The following CLMN variants were observed in gnomAD, a reference collection of about 807,000 sequenced individuals.
CLMN encodes the protein calmin (calponin-like, transmembrane).
A neutral mutation model predicts 92.7 loss-of-function variants in CLMN; 57 were observed. The ratio of observed to expected loss-of-function variants is 0.61; its 90% CI spans 0.50 to 0.77. The LOEUF (loss-of-function observed/expected upper bound fraction) is 0.77. CLMN is among the 30% of genes least tolerant of loss of function. The pLI is 0.00. For synonymous variants in CLMN, 466 were observed against 470.6 expected, an observed-to-expected ratio of 0.99 and a Z score of 0.13; for missense variants, 1,158 against 1,237.5, an observed-to-expected ratio of 0.94 and a Z score of 0.96.
chr14:95,260,069 G>A (rs1047514920), intron 1 of CLMN, among the ~76,000 whole-genome samples: 2 of 152,146 alleles, frequency 1.3e-5, no homozygotes, highest in African/African-American at 2.4e-5. Context: ...TCCTCCTGTG[G>A]GCATCTGGCA....
rs1896559791 is a variant in CLMN at position 95,191,513 on chromosome 14, A to G, written c.*51T>C. On this transcript the variant is annotated 3_prime_UTR_variant, in exon 13 of 13. Transcript: ENST00000298912. The surrounding 1 kb of genome is among the most constrained non-coding windows in gnomAD (Gnocchi z 5.3). ...CCCAGAACCCAAAATAAAATGAAGT[A>G]ACCCCGCCCCTGGTCAGGGTCCTGT... 6.6e-7 allele frequency: 1 copy of G among 1,511,110 alleles called. No individual in the cohort carries two copies. Among genetic ancestry groups the G allele is most frequent in the East Asian group, 2.4e-5 (1 of 41,816 alleles). 93.6% of individuals were successfully genotyped at this position (1,511,110 alleles called of 1,614,324 possible). A position where few individuals can be genotyped will look rare whatever the true frequency, so the allele number is the denominator to read the frequency against.
chr14:95,248,158 G>T (rs549660081), intron 1 of CLMN, among the ~76,000 whole-genome samples: 220 of 151,730 alleles, frequency 1.4e-3, no homozygotes, highest in Middle Eastern at 3.4e-3. Flanking sequence ...GTCAAGAGAG[G>T]CTTAAGAGAC....
In CLMN at chr14:95,213,201, A is replaced by G; in HGVS notation, c.608+18T>C. ...GCTAGTTAAATGAAGTAGTGTGGGG[A>G]GAGGGGCTGCGGCTTACTTTCTCGT... On this transcript the variant is annotated intron_variant, in intron 6 of 12. Transcript: ENST00000298912. 1.2e-6 allele frequency: 2 copies of G among 1,611,230 alleles called. No individual in the cohort carries two copies. The highest frequency in any genetic ancestry group is 1.7e-6 in the Non-Finnish European group (2 of 1,178,782).
At chr14:95,252,082 C>T (rs907680424) in intron 1 of CLMN, among the ~76,000 whole-genome samples, 14 of 152,170 alleles carry the variant, frequency 9.2e-5, no homozygotes, top group Admixed American at 7.2e-4. Context: ...ACCGTGGACT[C>T]GGGGTGGTCC....
At chr14:95,252,076 T>C (rs1898810620) in intron 1 of CLMN, among the ~76,000 whole-genome samples, 1 of 152,202 alleles carries the variant, frequency 6.6e-6, no homozygotes, top group African/African-American at 2.4e-5. Context: ...CCCAAGACCG[T>C]GGACTCGGGG....
intron 1 of CLMN, among the ~76,000 whole-genome samples, chr14:95,233,087 T>C (rs1240373868): frequency 6.6e-6 from 1 of 152,218 alleles, no homozygotes; most frequent in African/African-American, 2.4e-5. Flanking sequence ...CCCCCACCTG[T>C]CTTTAAACAA....
chr14:95,220,456 C>T (rs1897498967), intron 4 of CLMN, among the ~76,000 whole-genome samples: 1 of 152,182 alleles, frequency 6.6e-6, no homozygotes, highest in African/African-American at 2.4e-5. Flanking sequence ...GGATTACAGG[C>T]GTGAGCCACC....
chr14:95,254,708 A>AT lies in CLMN; in HGVS notation c.83-24576dup, dbSNP rs546184104. On this transcript the variant is annotated intron_variant, in intron 1 of 12. Coordinates refer to ENST00000298912, the MANE Select transcript of CLMN (RefSeq NM_024734.4). ...CTATTCAAGATAGGATCTTTTTAAA[A>AT]TTTTTTTGAGATGGAGTCTTGCTCT... is the stretch of plus-strand genomic sequence containing the variant. Among the ~76,000 whole-genome samples the AT allele has an allele frequency of 7.2e-5, 11 of 152,162 alleles. No individual in the cohort carries two copies. In the South Asian group the frequency reaches 2.1e-3, roughly 29 times the overall value.
chr14:95,232,984 G>A (rs113018762), intron 1 of CLMN, among the ~76,000 whole-genome samples: 1 of 152,302 alleles, frequency 6.6e-6, no homozygotes, highest in Non-Finnish European at 1.5e-5. Context: ...AACTAAAAGT[G>A]GAACTGCTGG....
intron 1 of CLMN, among the ~76,000 whole-genome samples, chr14:95,245,243 TATA>T (rs1898482779): frequency 2.9e-5 from 1 of 33,966 alleles, no homozygotes; most frequent in Non-Finnish European, 4.6e-5. Flanking sequence ...ATATATTATA[TATA>T]TATATATAAT....
Position 95,259,945 on chromosome 14 carries a change from C to T in CLMN, c.83-29812G>A, listed in dbSNP as rs1899183555. 6.6e-6 allele frequency among the ~76,000 whole-genome samples: 1 copy of T among 152,146 alleles called. No individual in the cohort carries two copies. Among genetic ancestry groups the T allele is most frequent in the Admixed American group, 6.5e-5 (1 of 15,282 alleles). ...TGCACACGCTGTTCCTGCTGTCTGG[C>T]ACTCTCTCCCTGCACTTCTCCACCT... On this transcript the variant is annotated intron_variant, in intron 1 of 12. Transcript: ENST00000298912. This position sits in a 1 kb window ranked among gnomAD's most constrained non-coding sequence, Gnocchi z 4.3.
chr14:95,196,835 C>T (rs1896730413), intron 9 of CLMN, 141 bp from the exon 10 acceptor site: 1 of 738,366 alleles, frequency 1.4e-6, no homozygotes, highest in African/African-American at 1.8e-5. Context: ...CTTCATGAAT[C>T]CCCTGCAGCA....
intron 12 of CLMN, chr14:95,192,274 A>G (rs1896580908): frequency 6.6e-6 from 1 of 152,190 alleles, no homozygotes; most frequent in South Asian, 2.1e-4. Context: ...CATTCCCCAC[A>G]GTTTTGTTTT....
chr14:95,222,036 G>A (rs1897558889), intron 3 of CLMN, among the ~76,000 whole-genome samples: 2 of 152,308 alleles, frequency 1.3e-5, no homozygotes, highest in South Asian at 2.1e-4. Flanking sequence ...GGTGAGTTGG[G>A]GGGAACTGAA....
chr14:95,201,166 T>C (rs2983318), intron 9 of CLMN, among the ~76,000 whole-genome samples: 1 of 151,562 alleles, frequency 6.6e-6, no homozygotes, highest in South Asian at 2.1e-4. Flanking sequence ...AATAAAAAAA[T>C]TTAAAAATAT....
At chr14:95,197,833 G>T (rs1030873105) in intron 9 of CLMN, among the ~76,000 whole-genome samples, 2 of 151,794 alleles carry the variant, frequency 1.3e-5, no homozygotes, top group Non-Finnish European at 2.9e-5. Context: ...CCAGGCCATT[G>T]TGCCCCGGGA....
intron 12 of CLMN, chr14:95,192,525 C>CT (rs1896586104): frequency 6.6e-6 from 1 of 152,152 alleles, no homozygotes; most frequent in Non-Finnish European, 1.5e-5. Context: ...TTACGAGAGG[C>CT]TAAAACCACT....
At chr14:95,285,248 C>A (rs1464633262) in intron 1 of CLMN, among the ~76,000 whole-genome samples, 1 of 152,156 alleles carries the variant, frequency 6.6e-6, no homozygotes, top group South Asian at 2.1e-4. Context: ...TCTTCCCAGT[C>A]GTGGGTATGC....
intron 1 of CLMN, among the ~76,000 whole-genome samples, chr14:95,282,552 G>T (rs1459576552): frequency 6.6e-6 from 1 of 152,184 alleles, no homozygotes; most frequent in East Asian, 1.9e-4. Flanking sequence ...GAACTGAGTG[G>T]CCAGAAAGGG....
Sources: allele counts gnomAD v4.1 joint callset (sites outside exome capture counted in the v4.1 genomes callset), GRCh38; gene constraint gnomAD v4.1.1; non-coding constraint Gnocchi (gnomAD v3.1); transcripts MANE v1.5; gene names NCBI Gene and HGNC (gene_info 2026-07-23, HGNC 2026-07-21).